Variants in SLC9C1 observed in about 807,000 individuals in gnomAD.
SLC9C1 encodes sodium/hydrogen exchanger 10.
In SLC9C1, 97 loss-of-function variants were observed where a neutral mutation model predicts 140.9. That is an observed-to-expected ratio of 0.69 (90% CI 0.58 to 0.82). SLC9C1 has a LOEUF of 0.82. SLC9C1 is among the 40% of genes least tolerant of loss of function. The probability of loss-of-function intolerance (pLI) is 0.00; values close to 1 mark genes in which losing one functional copy is unlikely to be tolerated. For synonymous variants in SLC9C1, 440 were observed against 442.6 expected (o/e 0.99, Z 0.07); for missense variants, 1,340 against 1,389.3 (o/e 0.96, Z 0.56).
chr3:112,216,242 C>G (rs1220244494), intron 15 of SLC9C1, among the ~76,000 whole-genome samples: 3 of 152,152 alleles, frequency 2.0e-5, no homozygotes, highest in African/African-American at 7.2e-5. Flanking sequence ...AGACCTAAAA[C>G]CATAAAAACC....
intron 5 of SLC9C1, among the ~76,000 whole-genome samples, chr3:112,275,538 A>C (rs1196418525): frequency 6.6e-6 from 1 of 151,586 alleles, no homozygotes; most frequent in Non-Finnish European, 1.5e-5. Context: ...TTCCATCCAA[A>C]TTTTCCTCTA....
Position 112,226,300 on chromosome 3 carries a change from GA to G in SLC9C1, c.1572+5060del, listed in dbSNP as rs1192156661. Among the ~76,000 whole-genome samples the G allele has an allele frequency of 2.6e-5, 4 of 151,752 alleles. No individual in the cohort carries two copies. In the South Asian group the frequency reaches 6.2e-4, roughly 24 times the overall value. ...TGTTCCTCAACCACTGATAGATCAA[GA>G]AAAAAAATTAAGAAGGTAATTCTTT... On this transcript the variant is annotated intron_variant, in intron 13 of 28. Coordinates refer to ENST00000305815, the MANE Select transcript of SLC9C1 (RefSeq NM_183061.3).
intron 10 of SLC9C1, among the ~76,000 whole-genome samples, chr3:112,250,655 G>T (rs1455254627): frequency 1.3e-5 from 2 of 152,042 alleles, no homozygotes; most frequent in Non-Finnish European, 2.9e-5. Context: ...TGTGAAAATC[G>T]CTATCACCAG....
chr3:112,162,462 T>A (rs2075331565), intron 26 of SLC9C1, among the ~76,000 whole-genome samples: 1 of 152,184 alleles, frequency 6.6e-6, no homozygotes, highest in African/African-American at 2.4e-5. Context: ...CCGAATTTAT[T>A]GAGAGTTTTT....
chr3:112,188,708 G>C (rs1171223206), intron 20 of SLC9C1, among the ~76,000 whole-genome samples: 1 of 152,152 alleles, frequency 6.6e-6, no homozygotes, highest in Non-Finnish European at 1.5e-5. Context: ...GTGTGCATGT[G>C]TCTTTATAGC....
At chr3:112,223,254 C>T (rs1474534477) in intron 13 of SLC9C1, among the ~76,000 whole-genome samples, 1 of 152,122 alleles carries the variant, frequency 6.6e-6, no homozygotes, top group East Asian at 1.9e-4. Flanking sequence ...CAGGAGGACT[C>T]TTTGAGCTCA....
At chr3:112,239,250 G>A (rs113064403) in intron 12 of SLC9C1, among the ~76,000 whole-genome samples, 15,785 of 152,248 alleles carry the variant, frequency 0.1, 876 homozygotes, top group East Asian at 0.2. Context: ...GGGACCCTCC[G>A]AGCCAGGTGC....
rs146877728 is a variant in SLC9C1 at position 112,247,121 on chromosome 3, T to C, written c.1198-3045A>G. ...TCATTCTCAGAGAGGAAAAGGAGAA[T>C]AATAAATATTGAATGAAGCTAATTT... On this transcript the variant is annotated intron_variant, in intron 10 of 28. Transcript: ENST00000305815. Among the ~76,000 whole-genome samples, 1,044 of 152,276 alleles carry C rather than the reference T, an allele frequency of 6.9e-3. 11 individuals carry two copies. The highest frequency in any genetic ancestry group is 0.023 in the African/African-American group (961 of 41,570).
At chr3:112,275,429 A>G (rs2080187125) in intron 5 of SLC9C1, among the ~76,000 whole-genome samples, 1 of 152,182 alleles carries the variant, frequency 6.6e-6, no homozygotes, top group Non-Finnish European at 1.5e-5. Context: ...TATTCACATA[A>G]TCTAGCTAGG....
chr3:112,218,689 A>G (rs1175997842), intron 14 of SLC9C1, among the ~76,000 whole-genome samples: 2 of 152,234 alleles, frequency 1.3e-5, no homozygotes, highest in Non-Finnish European at 2.9e-5. Flanking sequence ...TGAAACATAT[A>G]AATACCAATT....
intron 10 of SLC9C1, among the ~76,000 whole-genome samples, chr3:112,253,033 T>A (rs4429601): frequency 0.59 from 89,897 of 151,922 alleles, 27,116 homozygotes; most frequent in East Asian, 0.79. Context: ...TAGGGACTGG[T>A]GATGACTGCC....
chr3:112,292,280 C>T (rs891693880), intron 1 of SLC9C1, among the ~76,000 whole-genome samples: 2 of 152,134 alleles, frequency 1.3e-5, no homozygotes, highest in Non-Finnish European at 2.9e-5. Flanking sequence ...ATTATAATCA[C>T]ATTAATAATA....
chr3:112,189,872 A>G (rs1441513420), intron 20 of SLC9C1, among the ~76,000 whole-genome samples: 2 of 152,146 alleles, frequency 1.3e-5, no homozygotes, highest in African/African-American at 2.4e-5. Context: ...TGAGCATGGA[A>G]TGTTTTTCCA....
chr3:112,228,606 C>T (rs1341587171), intron 13 of SLC9C1, among the ~76,000 whole-genome samples: 1 of 151,982 alleles, frequency 6.6e-6, no homozygotes, highest in Non-Finnish European at 1.5e-5. Flanking sequence ...ACCTGCAGAA[C>T]AAAAAGAAAT....
chr3:112,182,465 A>C (rs756872177), intron 20 of SLC9C1, among the ~76,000 whole-genome samples: 1 of 152,034 alleles, frequency 6.6e-6, no homozygotes, highest in Non-Finnish European at 1.5e-5. Flanking sequence ...GGTTCAGGTG[A>C]TACATGTGCA....
chr3:112,169,630 A>C (rs1210447943), intron 23 of SLC9C1, among the ~76,000 whole-genome samples: 1 of 152,074 alleles, frequency 6.6e-6, no homozygotes. Flanking sequence ...TTTGATTACT[A>C]TATCTTTATA....
intron 20 of SLC9C1, among the ~76,000 whole-genome samples, chr3:112,194,390 C>A (rs2077727477): frequency 6.6e-6 from 1 of 152,152 alleles, no homozygotes; most frequent in Non-Finnish European, 1.5e-5. Context: ...ACAGGTACTT[C>A]TTTACTCCCT....
intron 26 of SLC9C1, among the ~76,000 whole-genome samples, chr3:112,156,552 G>C (rs184351654): frequency 5.3e-5 from 8 of 151,998 alleles, no homozygotes; most frequent in African/African-American, 1.7e-4. Context: ...GGGATTGCTA[G>C]ATCATATGGT....
intron 6 of SLC9C1, among the ~76,000 whole-genome samples, chr3:112,273,902 G>A (rs1553704674): frequency 6.6e-6 from 1 of 152,150 alleles, no homozygotes; most frequent in Non-Finnish European, 1.5e-5. Context: ...CCACAGGAAT[G>A]GGGGCAGTGG....
Sources: gnomAD v4.1 joint callset for allele counts (sites outside exome capture counted in the v4.1 genomes callset) on GRCh38, gnomAD v4.1.1 for gene constraint, MANE v1.5 for transcripts, NCBI Gene and HGNC (gene_info 2026-07-23, HGNC 2026-07-21) for gene names.